The following NRG3 variants were observed in gnomAD, a reference collection of about 807,000 sequenced individuals.
NRG3 encodes the protein pro-neuregulin-3, membrane-bound isoform.
NRG3 carries 31 observed loss-of-function variants against 66.9 expected under a neutral mutation model. The observed-to-expected ratio is 0.46, with a 90% CI of 0.35 to 0.63. The LOEUF is 0.63. Among genes scored for constraint, NRG3 ranks in the 20% least tolerant of loss-of-function variants. The pLI is 0.00. For synonymous variants in NRG3, 393 were observed against 359.4 expected (o/e 1.09, Z -1.06); for missense variants, 910 against 878.9 (o/e 1.04, Z -0.45).
intron 2 of NRG3, among the ~76,000 whole-genome samples, chr10:82,464,051 T>C (rs574446267): frequency 6.6e-6 from 1 of 152,346 alleles, no homozygotes; most frequent in African/African-American, 2.4e-5. Context: ...TTTCAGTCTT[T>C]ACACTCACTT....
chr10:82,121,931 G>A (rs2132376762), intron 1 of NRG3, among the ~76,000 whole-genome samples: 1 of 152,178 alleles, frequency 6.6e-6, no homozygotes, highest in Middle Eastern at 3.4e-3. Context: ...AGCCATCATG[G>A]CTGTCCTGTG....
At chr10:82,086,355 T>C (rs1564548113) in intron 1 of NRG3, among the ~76,000 whole-genome samples, 1 of 152,126 alleles carries the variant, frequency 6.6e-6, no homozygotes, top group Non-Finnish European at 1.5e-5. Flanking sequence ...TTTCTAAATA[T>C]CAGATCTTAC....
intron 2 of NRG3, among the ~76,000 whole-genome samples, chr10:82,568,707 T>G (rs928662001): frequency 2.1e-4 from 32 of 151,986 alleles, no homozygotes; most frequent in Admixed American, 5.9e-4. Context: ...GTATTCTGAT[T>G]TTTTCATTTC....
chr10:81,878,427 G>A (rs1427835315), intron 1 of NRG3, among the ~76,000 whole-genome samples: 1 of 152,266 alleles, frequency 6.6e-6, no homozygotes, highest in African/African-American at 2.4e-5. Context: ...TTCATAAAAC[G>A]TGTTTAAATA....
At chr10:82,274,711 A>C (rs548155020) in intron 1 of NRG3, among the ~76,000 whole-genome samples, 1 of 152,160 alleles carries the variant, frequency 6.6e-6, no homozygotes, top group Non-Finnish European at 1.5e-5. Flanking sequence ...TAGTAAAAAT[A>C]TTAAAAACTA....
At chr10:82,226,744 A>G (rs1474413953) in intron 1 of NRG3, among the ~76,000 whole-genome samples, 1 of 152,192 alleles carries the variant, frequency 6.6e-6, no homozygotes, top group East Asian at 1.9e-4. Context: ...GGAAACTGAG[A>G]TTCAAATTGC....
intron 4 of NRG3, among the ~76,000 whole-genome samples, chr10:82,869,252 T>C (rs940311436): frequency 6.6e-6 from 1 of 152,216 alleles, no homozygotes; most frequent in Non-Finnish European, 1.5e-5. Flanking sequence ...CAAAATTGAG[T>C]GCAAATTACA....
chr10:82,060,531 A>C (rs982120176), intron 1 of NRG3, among the ~76,000 whole-genome samples: 4 of 152,202 alleles, frequency 2.6e-5, no homozygotes, highest in African/African-American at 7.2e-5. Context: ...GTTTTAAGTG[A>C]TGTTGTAAAT....
At chr10:82,263,750 A>G (rs539117348) in intron 1 of NRG3, among the ~76,000 whole-genome samples, 2 of 152,256 alleles carry the variant, frequency 1.3e-5, no homozygotes, top group South Asian at 4.1e-4. Context: ...ACATGTAGCC[A>G]TTTATTTCAA....
intron 2 of NRG3, among the ~76,000 whole-genome samples, chr10:82,697,756 C>T (rs550763653): frequency 3.1e-4 from 47 of 152,182 alleles, no homozygotes; most frequent in Non-Finnish European, 4.9e-4. Flanking sequence ...GAAAGGAGGA[C>T]GCTTGCTGGT....
Position 82,506,318 on chromosome 10 carries a change from G to A in NRG3, c.953+147450G>A, listed in dbSNP as rs73309828. On this transcript the variant is annotated intron_variant, in intron 2 of 8. Transcript: ENST00000372141. Reference sequence around the variant, plus strand: ...CAAGCTGTCCCAGTGCTGCCTTGATGCCTCTTCAGACAAGGTACTCCAACT... The same window carrying A: ...CAAGCTGTCCCAGTGCTGCCTTGATACCTCTTCAGACAAGGTACTCCAACT... Among the ~76,000 whole-genome samples, 660 of 152,300 alleles carry A rather than the reference G, an allele frequency of 4.3e-3. 5 individuals carry two copies. The highest frequency in any genetic ancestry group is 0.015 in the African/African-American group (639 of 41,560).
intron 1 of NRG3, among the ~76,000 whole-genome samples, chr10:81,944,363 T>A (rs1848658241): frequency 6.6e-6 from 1 of 151,364 alleles, no homozygotes; most frequent in Non-Finnish European, 1.5e-5. Flanking sequence ...TACAAGAGAG[T>A]TTTAAAAATT....
chr10:82,375,688 G>A (rs903933806), intron 2 of NRG3, among the ~76,000 whole-genome samples: 4 of 152,064 alleles, frequency 2.6e-5, no homozygotes, highest in African/African-American at 7.2e-5. Flanking sequence ...TCTAAACCTC[G>A]GCTTTTCTGA....
rs543337654 is a variant in NRG3, at chr10:82,599,967, T to C, written c.954-138610T>C. On this transcript the variant is annotated intron_variant, in intron 2 of 8. Coordinates refer to ENST00000372141, the MANE Select transcript of NRG3 (RefSeq NM_001010848.4). ...ACTAAAATATCTCAGAGCTGTCCAA[T>C]GTAATATGAAAATGCTCTCTGCATT... is the stretch of plus-strand genomic sequence containing the variant. Among the ~76,000 whole-genome samples the C allele has an allele frequency of 1.1e-4, 16 of 152,316 alleles. No individual in the cohort carries two copies. The South Asian group carries it at 3.3e-3, about 32-fold the overall frequency.
intron 3 of NRG3, among the ~76,000 whole-genome samples, chr10:82,808,734 A>C (rs1470464946): frequency 6.6e-6 from 1 of 152,184 alleles, no homozygotes; most frequent in Non-Finnish European, 1.5e-5. Flanking sequence ...GTAATCTCAA[A>C]ATTATGAATT....
At position 82,432,549 on chromosome 10, in the gene NRG3, A is replaced by G. The variant is rs911714845; in HGVS notation, c.953+73681A>G. ...TGTGCAGATCGTGCAGGTTTGTTAC[A>G]TAGGTATACCTGTGCCATGGTGGTT... On this transcript the variant is annotated intron_variant, in intron 2 of 8. Transcript: ENST00000372141. 2.0e-5 allele frequency among the ~76,000 whole-genome samples: 3 copies of G among 150,026 alleles called. No homozygotes were observed. In the East Asian group the frequency reaches 5.8e-4, roughly 29 times the overall value.
At chr10:82,581,652 G>C (rs1375217228) in intron 2 of NRG3, among the ~76,000 whole-genome samples, 1 of 151,900 alleles carries the variant, frequency 6.6e-6, no homozygotes, top group East Asian at 1.9e-4. Context: ...GATAAATGTT[G>C]GTGATGGTTG....
intron 1 of NRG3, among the ~76,000 whole-genome samples, chr10:82,130,542 G>T (rs1342715088): frequency 2.0e-5 from 3 of 151,816 alleles, no homozygotes; most frequent in Non-Finnish European, 2.9e-5. Flanking sequence ...TCATTTTTTT[G>T]GGGGGGTATA....
At chr10:82,777,573 A>G (rs2059955582) in intron 3 of NRG3, among the ~76,000 whole-genome samples, 1 of 152,152 alleles carries the variant, frequency 6.6e-6, no homozygotes, top group African/African-American at 2.4e-5. Context: ...GCTTGAAACC[A>G]AGAGAACAGG....
Sources: gnomAD v4.1 joint callset for allele counts (sites outside exome capture counted in the v4.1 genomes callset) on GRCh38, gnomAD v4.1.1 for gene constraint, MANE v1.5 for transcripts, NCBI Gene and HGNC (gene_info 2026-07-23, HGNC 2026-07-21) for gene names.